CAMK1D: variants seen among roughly 807,000 people sequenced by gnomAD.
The protein encoded by CAMK1D is calcium/calmodulin-dependent protein kinase type 1D.
CAMK1D carries 9 observed loss-of-function variants against 47.7 expected under a neutral mutation model. The observed-to-expected ratio is 0.19, with a 90% CI of 0.11 to 0.33. The LOEUF (loss-of-function observed/expected upper bound fraction) is 0.33. Ranked by LOEUF, CAMK1D falls within the 10% of genes least tolerant of loss-of-function variation. CAMK1D has a pLI of 1.00. For synonymous variants in CAMK1D, 184 were observed against 184.9 expected, an observed-to-expected ratio of 0.99 and a Z score of 0.04; for missense variants, 291 against 488.7, an observed-to-expected ratio of 0.60 and a Z score of 3.81.
At chr10:12,649,613 C>G (rs929870584) in intron 2 of CAMK1D, among the ~76,000 whole-genome samples, 3 of 152,156 alleles carry the variant, frequency 2.0e-5, no homozygotes, top group Non-Finnish European at 4.4e-5. Flanking sequence ...CAGATAATGA[C>G]AGATCATGTT....
At chr10:12,712,079 G>A (rs1833960023) in intron 3 of CAMK1D, among the ~76,000 whole-genome samples, 1 of 152,218 alleles carries the variant, frequency 6.6e-6, no homozygotes, top group African/African-American at 2.4e-5. Flanking sequence ...GAGGGGCAGA[G>A]TAGGTTTATT....
At chr10:12,376,486 C>A (rs1170508862) in intron 1 of CAMK1D, among the ~76,000 whole-genome samples, 2 of 152,156 alleles carry the variant, frequency 1.3e-5, no homozygotes, top group African/African-American at 4.8e-5. Context: ...AACTCCACCA[C>A]CGGCCAGTGG....
intron 1 of CAMK1D, among the ~76,000 whole-genome samples, chr10:12,488,609 A>G (rs568052737): frequency 4.6e-5 from 7 of 152,274 alleles, no homozygotes; most frequent in African/African-American, 1.7e-4. Flanking sequence ...AATATATAAT[A>G]TATAACGAGA....
At chr10:12,721,753 G>C (rs956818902) in intron 3 of CAMK1D, among the ~76,000 whole-genome samples, 6 of 152,182 alleles carry the variant, frequency 3.9e-5, no homozygotes, top group African/African-American at 1.4e-4. Context: ...GGCTCGATGG[G>C]AAATGACTAG....
intron 3 of CAMK1D, among the ~76,000 whole-genome samples, chr10:12,736,884 T>C (rs1243173925): frequency 6.6e-6 from 1 of 152,202 alleles, no homozygotes; most frequent in Non-Finnish European, 1.5e-5. Flanking sequence ...TCCCGATCAC[T>C]CTCTGGCTTT....
chr10:12,616,647 A>G (rs925023803), intron 2 of CAMK1D, among the ~76,000 whole-genome samples: 4 of 151,846 alleles, frequency 2.6e-5, no homozygotes, highest in South Asian at 2.1e-4. Flanking sequence ...CCTCCCGAGT[A>G]GCTGGGACTA....
At chr10:12,701,916 A>G (rs1222437738) in intron 3 of CAMK1D, among the ~76,000 whole-genome samples, 2 of 152,234 alleles carry the variant, frequency 1.3e-5, no homozygotes, top group East Asian at 1.9e-4. Flanking sequence ...CATATTCCAC[A>G]CATAGATATA....
intron 3 of CAMK1D, among the ~76,000 whole-genome samples, chr10:12,694,186 T>TAC (rs1833110329): frequency 9.5e-5 from 4 of 42,308 alleles, no homozygotes; most frequent in Non-Finnish European, 1.1e-4. Context: ...TTATATATAA[T>TAC]ATAATATATA....
At chr10:12,822,320 A>G (rs2131110311) in intron 8 of CAMK1D, among the ~76,000 whole-genome samples, 1 of 152,318 alleles carries the variant, frequency 6.6e-6, no homozygotes, top group East Asian at 1.9e-4. Flanking sequence ...ACCGTGTAAC[A>G]CAGAGCCTGG....
intron 3 of CAMK1D, among the ~76,000 whole-genome samples, chr10:12,741,596 G>A (rs140709569): frequency 3.8e-4 from 57 of 151,764 alleles, no homozygotes; most frequent in African/African-American, 1.4e-3. Flanking sequence ...TATGAAACAT[G>A]TTCAGCATTT....
chr10:12,443,418 G>T (rs939202878), intron 1 of CAMK1D, among the ~76,000 whole-genome samples: 1 of 151,934 alleles, frequency 6.6e-6, no homozygotes, highest in Non-Finnish European at 1.5e-5. Flanking sequence ...CTTCACGAAG[G>T]CACGAACCAT....
chr10:12,739,100 G>C (rs11812785), intron 3 of CAMK1D, among the ~76,000 whole-genome samples: 2,928 of 151,716 alleles, frequency 0.019, 43 homozygotes, highest in East Asian at 0.071. Context: ...AGCCAGGCGT[G>C]GTGGTGTGTA....
intron 3 of CAMK1D, among the ~76,000 whole-genome samples, chr10:12,734,526 A>T (rs1372626183): frequency 2.0e-5 from 3 of 147,734 alleles, no homozygotes; most frequent in African/African-American, 7.5e-5. Flanking sequence ...ATACACGTAT[A>T]TATATACACA....
intron 2 of CAMK1D, among the ~76,000 whole-genome samples, chr10:12,654,036 T>C (rs1386679473): frequency 1.3e-5 from 2 of 152,190 alleles, no homozygotes; most frequent in Non-Finnish European, 2.9e-5. Flanking sequence ...AACAATACCT[T>C]TCCCCTAGAT....
intron 1 of CAMK1D, among the ~76,000 whole-genome samples, chr10:12,464,208 A>G (rs1564355766): frequency 1.3e-5 from 2 of 152,162 alleles, no homozygotes. Context: ...GTGGTTGTTG[A>G]GTGACTAGGT....
At chr10:12,573,839 T>TTTTTTTTG in intron 2 of CAMK1D, among the ~76,000 whole-genome samples, 1 of 108,328 alleles carries the variant, frequency 9.2e-6, no homozygotes, top group Non-Finnish European at 1.7e-5. Flanking sequence ...AACTTTTTTT[T>TTTTTTTTG]TTTTTTTTTT....
chr10:12,755,560 C>T (rs772995211), intron 3 of CAMK1D, among the ~76,000 whole-genome samples: 2 of 152,070 alleles, frequency 1.3e-5, no homozygotes, highest in Non-Finnish European at 2.9e-5. Flanking sequence ...AGTTCTAGAT[C>T]CCTGAGGAAT....
rs910215186 is a variant in CAMK1D at position 12,548,123 on chromosome 10, C to T, written c.93-5102C>T. On this transcript the variant is annotated intron_variant, in intron 1 of 10. Coordinates refer to ENST00000619168, the MANE Select transcript of CAMK1D (RefSeq NM_153498.4). ...CCGAGTTCTATTTTCTGTCCTTTAC[C>T]ACTTGTGTGATGGGACTCAGTATCC... 2.0e-5 allele frequency among the ~76,000 whole-genome samples: 3 copies of T among 152,264 alleles called. No individual in the cohort carries two copies. The South Asian group carries it at 6.2e-4, about 32-fold the overall frequency.
intron 4 of CAMK1D, among the ~76,000 whole-genome samples, chr10:12,765,537 T>C (rs1477278990): frequency 6.6e-6 from 1 of 152,166 alleles, no homozygotes; most frequent in Non-Finnish European, 1.5e-5. Context: ...GTAGGTCCAG[T>C]TTTTAGCAAG....
Sources: gnomAD v4.1 joint callset for allele counts (sites outside exome capture counted in the v4.1 genomes callset) on GRCh38, gnomAD v4.1.1 for gene constraint, MANE v1.5 for transcripts, NCBI Gene and HGNC (gene_info 2026-07-23, HGNC 2026-07-21) for gene names.